RAE1: variants seen among roughly 807,000 people sequenced by gnomAD.
RAE1 encodes ribonucleic acid export 1.
RAE1 carries 13 observed loss-of-function variants against 52.7 expected under a neutral mutation model. That is an observed-to-expected ratio of 0.25 (90% confidence interval 0.16 to 0.39). The LOEUF (loss-of-function observed/expected upper bound fraction) is 0.39. Among genes scored for constraint, RAE1 ranks in the 10% least tolerant of loss-of-function variants. RAE1 has a pLI of 1.00. For missense variants in RAE1, 262 were observed against 459.8 expected, an observed-to-expected ratio of 0.57 and a Z score of 3.93; for synonymous variants, 164 against 153.1, an observed-to-expected ratio of 1.07 and a Z score of -0.52.
At chr20:57,375,203 A>G (rs2067095492) in intron 11 of RAE1, 1 of 605,868 alleles carries the variant, frequency 1.7e-6, no homozygotes, top group African/African-American at 1.9e-5. Context: ...GTGGGGCTGC[A>G]TTTTTGAGGC....
chr20:57,372,565 T>C (rs1475645530), intron 8 of RAE1: 1 of 152,286 alleles, frequency 6.6e-6, no homozygotes, highest in Non-Finnish European at 1.5e-5. Flanking sequence ...TTTGCTTTAC[T>C]TTTTTTCTTC....
chr20:57,371,367 G>T (rs2146171271), intron 8 of RAE1: 1 of 152,320 alleles, frequency 6.6e-6, no homozygotes, highest in South Asian at 2.1e-4. Context: ...CAACTCAATA[G>T]TGAGAAAACT....
intron 3 of RAE1, among the ~76,000 whole-genome samples, chr20:57,355,996 G>C (rs977488289): frequency 2.0e-5 from 3 of 152,206 alleles, no homozygotes; most frequent in African/African-American, 4.8e-5. Flanking sequence ...AGAGCACACA[G>C]AACCATTAGC....
chr20:57,375,563 A>G (rs1205513361), intron 11 of RAE1, among the ~76,000 whole-genome samples: 1 of 150,964 alleles, frequency 6.6e-6, no homozygotes, highest in Non-Finnish European at 1.5e-5. Context: ...GCCTTCTCCC[A>G]CTGTCTTCTG....
chr20:57,367,210 G>T, intron 7 of RAE1, 131 bp downstream of exon 7: 1 of 810,188 alleles, frequency 1.2e-6, no homozygotes, highest in Non-Finnish European at 1.9e-6. Context: ...AGATATAAAG[G>T]ATCGAGTTGA....
rs189873723 is a variant in RAE1 at position 57,366,065 on chromosome 20, A to G, written c.375+623A>G. Among the ~76,000 whole-genome samples the G allele has an allele frequency of 2.8e-4, 42 of 152,320 alleles. No individual in the cohort carries two copies. The East Asian group carries it at 6.4e-3, about 23-fold the overall frequency. On this transcript the variant is annotated intron_variant, in intron 5 of 11. Transcript: ENST00000395841. ...TACTCAGGTCACAGTGCTGTGTGCT[A>G]GAAACATCTCATTGATCTCTTAATT... is the stretch of plus-strand genomic sequence containing the variant.
Position 57,358,983 on chromosome 20 carries a change from G to A in RAE1, c.288+2445G>A, listed in dbSNP as rs752202787. ...TATTTGTTTATATCCGCCTCTTCACGGATAGATCAATTTCACTGGTTGAAA... is the reference window on the plus strand; with the variant it reads ...TATTTGTTTATATCCGCCTCTTCACAGATAGATCAATTTCACTGGTTGAAA... On this transcript the variant is annotated intron_variant, in intron 4 of 11. Coordinates refer to ENST00000395841, the MANE Select transcript of RAE1 (RefSeq NM_003610.4). 29 of 1,502,904 alleles carry A rather than the reference G, an allele frequency of 1.9e-5. 1 individual carries two copies. In the Middle Eastern group the frequency reaches 1.4e-3, roughly 73 times the overall value. 93.1% of individuals were successfully genotyped at this position (1,502,904 alleles called of 1,614,324 possible).
intron 1 of RAE1, 67 bp downstream of exon 1, chr20:57,351,489 C>T (rs1268394024): frequency 3.0e-6 from 3 of 985,328 alleles, no homozygotes; most frequent in African/African-American, 1.7e-5. Context: ...GCCGAGTTGC[C>T]TCCCGGGAGC....
At chr20:57,373,449 A>G (rs2067065727) in intron 8 of RAE1, 26 bp from the exon 9 acceptor site, 1 of 1,588,394 alleles carries the variant, frequency 6.3e-7, no homozygotes, top group Non-Finnish European at 8.6e-7. Context: ...TGCTGTGATT[A>G]TGTCTCTTTT....
rs2066940517 is a variant in RAE1 at position 57,365,379 on chromosome 20, A to G, written c.312A>G (p.Ala104=). ...AGGATGGGAGCAAAGTGTTTACGGC[A>G]TCGTGTGATAAAACTGCCAAAATGT... is the stretch of plus-strand genomic sequence containing the variant. ...WSDDGSKVFT[A]SCDKTAKMWD... Residue 104 remains alanine (A), a synonymous_variant, in exon 5 of 12, where the codon GCA becomes GCG. Coordinates refer to ENST00000395841, the MANE Select transcript of RAE1 (RefSeq NM_003610.4). The G allele has an allele frequency of 6.2e-7, 1 of 1,610,310 alleles. No individual in the cohort carries two copies. Among genetic ancestry groups the G allele is most frequent in the African/African-American group, 1.3e-5 (1 of 74,872 alleles).
In RAE1 at chr20:57,378,175, C is replaced by G; in HGVS notation, c.*76C>G. ...TCTCTGTACGAATTTGGGTCCCAGC[C>G]TTGTTGGGTTGTCAGCCATGGACAT... is the stretch of plus-strand genomic sequence containing the variant. On this transcript the variant is annotated 3_prime_UTR_variant, in exon 12 of 12. Coordinates refer to ENST00000395841, the MANE Select transcript of RAE1 (RefSeq NM_003610.4). 1 of 1,221,794 alleles carries G rather than the reference C, an allele frequency of 8.2e-7. No individual in the cohort carries two copies. Among genetic ancestry groups the G allele is most frequent in the Non-Finnish European group, 1.1e-6 (1 of 869,778 alleles). 75.7% of individuals were successfully genotyped at this position (1,221,794 alleles called of 1,614,324 possible).
chr20:57,354,149 G>A, intron 2 of RAE1, 21 bp downstream of exon 2: 1 of 1,601,286 alleles, frequency 6.2e-7, no homozygotes, highest in Non-Finnish European at 8.6e-7. Context: ...AAGCTTCCTG[G>A]GGCTTGTAGG....
intron 5 of RAE1, 118 bp from the exon 6 acceptor site, chr20:57,366,689 T>C: frequency 1.0e-6 from 1 of 995,852 alleles, no homozygotes; most frequent in Non-Finnish European, 1.6e-6. Flanking sequence ...GTTTTGGTTT[T>C]TGTTTGGTAT....
intron 1 of RAE1, 35 bp downstream of exon 1, chr20:57,351,457 C>T (rs914891126): frequency 1.0e-6 from 1 of 985,356 alleles, no homozygotes; most frequent in East Asian, 1.1e-4. Flanking sequence ...CGTCGTTAAC[C>T]GCCGCCATGG....
chr20:57,354,769 C>G lies in RAE1; in HGVS notation c.148C>G (p.Pro50Ala), dbSNP rs774930491. ...DSIGCLSFSP[P>A]TLPGNFLIAG... ...CATTGGTTGTCTGTCTTTTAGCCCA[C>G]CAACCTTGCCGGGGAACTTTCTTAT... The change falls in exon 3 of 12, where the codon CCA (proline) becomes GCA (alanine). Residue 50 changes from proline (P) to alanine (A), a missense_variant. Transcript: ENST00000395841. 1 of 1,604,844 alleles carries G rather than the reference C, an allele frequency of 6.2e-7. No homozygotes were observed. Among genetic ancestry groups the G allele is most frequent in the South Asian group, 1.1e-5 (1 of 89,806 alleles).
At chr20:57,352,022 C>A in intron 1 of RAE1, 1 of 961,386 alleles carries the variant, frequency 1.0e-6, no homozygotes, top group Non-Finnish European at 1.2e-6. Flanking sequence ...CTCTTGGAGC[C>A]AGCATTCTGG....
chr20:57,366,958 C>G, intron 6 of RAE1, 50 bp from the exon 7 acceptor site: 1 of 1,583,616 alleles, frequency 6.3e-7, no homozygotes, highest in Non-Finnish European at 8.7e-7. Context: ...TGCACCATTT[C>G]GACTTCTGCT....
At chr20:57,361,415 TCTGA>T (rs1158487980) in intron 4 of RAE1, among the ~76,000 whole-genome samples, 2 of 152,192 alleles carry the variant, frequency 1.3e-5, no homozygotes, top group Non-Finnish European at 2.9e-5. Flanking sequence ...ATGTCTGGGC[TCTGA>T]CTGGGTTGCA....
intron 4 of RAE1, chr20:57,359,025 C>T (rs2066846818): frequency 1.3e-6 from 2 of 1,520,136 alleles, no homozygotes; most frequent in African/African-American, 1.4e-5. Flanking sequence ...GACAGCTGAA[C>T]CTTCGTGTGG....
Sources: gnomAD v4.1 joint callset for allele counts (sites outside exome capture counted in the v4.1 genomes callset) on GRCh38, gnomAD v4.1.1 for gene constraint, MANE v1.5 for transcripts, NCBI Gene and HGNC (gene_info 2026-07-23, HGNC 2026-07-21) for gene names.